Variants in AFF2 observed in about 807,000 individuals in gnomAD.
AFF2 encodes the protein ALF transcription elongation factor 2, also known as AF4/FMR2 family member 2.
A neutral mutation model predicts 76.9 loss-of-function variants in AFF2; 14 were observed. The ratio of observed to expected loss-of-function variants is 0.18; its 90% CI spans 0.12 to 0.28. AFF2 has a LOEUF of 0.28. Among genes scored for constraint, AFF2 ranks in the 10% least tolerant of loss-of-function variants. AFF2 has a pLI of 1.00. For synonymous variants in AFF2, 398 were observed against 366.7 expected (o/e 1.09, Z -0.98); for missense variants, 868 against 1,001.1 (o/e 0.87, Z 1.79).
At chrX:148,794,773 G>A (rs914879325) in intron 3 of AFF2, among the ~76,000 whole-genome samples, 1 of 111,125 alleles carries the variant, frequency 9.0e-6, no homozygotes, top group African/African-American at 3.3e-5. Flanking sequence ...CAGAGGCAGG[G>A]GTGGGGGGTT....
intron 3 of AFF2, among the ~76,000 whole-genome samples, chrX:148,743,784 G>T (rs1255454894): frequency 1.8e-5 from 2 of 111,010 alleles, no homozygotes; most frequent in African/African-American, 6.6e-5. Flanking sequence ...GGGTGTAATA[G>T]TTATTTGATT....
At chrX:148,765,877 C>T (rs1405717047) in intron 3 of AFF2, among the ~76,000 whole-genome samples, 7 of 81,655 alleles carry the variant, frequency 8.6e-5, no homozygotes, top group African/African-American at 3.2e-4. Context: ...ACAACAGTCC[C>T]CAGAGTGTGA....
chrX:148,613,117 C>T (rs1321941611), intron 1 of AFF2, among the ~76,000 whole-genome samples: 7 of 111,505 alleles, frequency 6.3e-5, no homozygotes, highest in African/African-American at 2.3e-4. Flanking sequence ...ATATATTAGG[C>T]CATAGAAATC....
chrX:148,870,861 GTGTGGCCTTCATAA>G (rs2070964962), intron 7 of AFF2, among the ~76,000 whole-genome samples: 1 of 111,943 alleles, frequency 8.9e-6, no homozygotes, highest in Non-Finnish European at 1.9e-5. Context: ...CCTGCAGTTA[GTGTGGCCTTCATAA>G]TCTCACAGGG....
chrX:148,868,010 AG>A (rs1557276985), intron 7 of AFF2, among the ~76,000 whole-genome samples: 1 of 111,509 alleles, frequency 9.0e-6, no homozygotes, highest in East Asian at 2.8e-4. Context: ...GGCTCCTCTC[AG>A]TTTACTCACA....
At chrX:148,556,104 A>G (rs1557239646) in intron 1 of AFF2, among the ~76,000 whole-genome samples, 1 of 111,977 alleles carries the variant, frequency 8.9e-6, no homozygotes, top group Non-Finnish European at 1.9e-5. Context: ...AGCGGTGGAG[A>G]TTTTAGCTCA....
intron 7 of AFF2, 23 bp downstream of exon 7, chrX:148,843,456 C>G: frequency 8.4e-7 from 1 of 1,191,676 alleles, no homozygotes; most frequent in Non-Finnish European, 1.1e-6. Flanking sequence ...ATCTCCAAAT[C>G]AGGCCTTTTT....
chrX:148,734,755 A>ATG (rs1323784746), intron 3 of AFF2, among the ~76,000 whole-genome samples: 2 of 112,129 alleles, frequency 1.8e-5, no homozygotes, highest in East Asian at 5.6e-4. Context: ...TGTCTACTAA[A>ATG]TGGTTCTTTA....
rs1040508874 is a variant in AFF2 at position 148,722,887 on chromosome X, A to G, written c.1041+60119A>G. Reference sequence around the variant, plus strand: ...ATGTTCTCTTCCTTTCTCTCCCTTTACCATCTTGCTAGCTCTTTCTCAAGT... The same window carrying G: ...ATGTTCTCTTCCTTTCTCTCCCTTTGCCATCTTGCTAGCTCTTTCTCAAGT... On this transcript the variant is annotated intron_variant, in intron 3 of 20. Transcript: ENST00000370460. Among the ~76,000 whole-genome samples the G allele has an allele frequency of 1.5e-4, 16 of 109,203 alleles. No homozygotes were observed. In the Admixed American group the frequency reaches 1.6e-3, roughly 11 times the overall value. The allele number at this position is 109,203 out of a possible 115,157, so 94.8% of individuals were successfully genotyped here. A position where few individuals can be genotyped will look rare whatever the true frequency, so the allele number is the denominator to read the frequency against.
At chrX:148,654,498 A>G (rs1223211833) in intron 2 of AFF2, among the ~76,000 whole-genome samples, 1 of 111,578 alleles carries the variant, frequency 9.0e-6, no homozygotes, top group Non-Finnish European at 1.9e-5. Flanking sequence ...GAGGAATTAT[A>G]TAAAGGGAAG....
At chrX:148,877,767 T>C in intron 7 of AFF2, among the ~76,000 whole-genome samples, 1 of 112,027 alleles carries the variant, frequency 8.9e-6, no homozygotes, top group Middle Eastern at 4.6e-3. Flanking sequence ...CTTGCCCCCA[T>C]TGAGTTTAAT....
At chrX:148,813,388 A>C (rs1557271931) in intron 4 of AFF2, among the ~76,000 whole-genome samples, 2 of 112,265 alleles carry the variant, frequency 1.8e-5, no homozygotes, top group South Asian at 7.4e-4. Flanking sequence ...TAATTTGAAC[A>C]GATCTTAGAA....
chrX:148,971,826 GGTTA>G (rs1557289629), intron 15 of AFF2, among the ~76,000 whole-genome samples: 9 of 44,456 alleles, frequency 2.0e-4, no homozygotes, highest in African/African-American at 8.3e-4. Context: ...ACATTGTGCA[GGTTA>G]GTTACATATG....
At chrX:148,648,758 A>G (rs2054172662) in intron 1 of AFF2, among the ~76,000 whole-genome samples, 1 of 110,061 alleles carries the variant, frequency 9.1e-6, no homozygotes, top group South Asian at 4.0e-4. Context: ...AGAGAGAGAA[A>G]CCTAAGGCCT....
intron 4 of AFF2, among the ~76,000 whole-genome samples, chrX:148,825,006 C>G (rs782293529): frequency 9.0e-6 from 1 of 111,397 alleles, no homozygotes; most frequent in South Asian, 3.8e-4. Context: ...CCATTGCACA[C>G]TACTCACTCT....
At chrX:148,958,257 C>T (rs1473710596) in intron 11 of AFF2, 80 bp from the exon 12 acceptor site, 3 of 1,137,387 alleles carry the variant, frequency 2.6e-6, no homozygotes, top group Non-Finnish European at 3.5e-6. Context: ...ATGTATCTTG[C>T]TCATTTTTAG....
intron 3 of AFF2, among the ~76,000 whole-genome samples, chrX:148,737,870 G>C (rs2055304589): frequency 8.9e-6 from 1 of 111,772 alleles, no homozygotes; most frequent in African/African-American, 3.3e-5. Flanking sequence ...CATCTATTGA[G>C]ATGATCATGT....
chrX:148,946,114 A>G (rs1473509293), intron 9 of AFF2, among the ~76,000 whole-genome samples: 3 of 112,345 alleles, frequency 2.7e-5, no homozygotes, highest in Non-Finnish European at 5.6e-5. Context: ...AGTAAGTTAG[A>G]AGAAATAGGA....
intron 9 of AFF2, among the ~76,000 whole-genome samples, chrX:148,950,041 G>A (rs1237530275): frequency 2.7e-5 from 3 of 112,655 alleles, no homozygotes; most frequent in Non-Finnish European, 5.6e-5. Flanking sequence ...TAGCTGAACA[G>A]CTAACAGATT....
Sources: gnomAD v4.1 joint callset for allele counts (sites outside exome capture counted in the v4.1 genomes callset) on GRCh38, gnomAD v4.1.1 for gene constraint, MANE v1.5 for transcripts, NCBI Gene and HGNC (gene_info 2026-07-23, HGNC 2026-07-21) for gene names.